Variants in PIK3CB observed in about 807,000 individuals in gnomAD.
PIK3CB encodes the protein phosphatidylinositol 4,5-bisphosphate 3-kinase catalytic subunit beta isoform.
A neutral mutation model predicts 136.8 loss-of-function variants in PIK3CB; 39 were observed. The observed-to-expected ratio is 0.29, with a 90% CI of 0.22 to 0.37. The LOEUF is 0.37. Ranked by LOEUF, PIK3CB falls within the 10% of genes least tolerant of loss-of-function variation. The pLI is 1.00. For missense variants in PIK3CB, 868 were observed against 1,275.4 expected, an observed-to-expected ratio of 0.68 and a Z score of 4.87; for synonymous variants, 428 against 436.6, an observed-to-expected ratio of 0.98 and a Z score of 0.25.
chr3:138,694,176 G>C lies in PIK3CB; in HGVS notation c.1892+610C>G, dbSNP rs544089972. On this transcript the variant is annotated intron_variant, in intron 14 of 23. Transcript: ENST00000674063. ...TCCCACCACCCTCCCTAATTGATAA[G>C]AGTGGCTCACTGCACCTAAACTATT... Among the ~76,000 whole-genome samples, 4 of 151,412 alleles carry C rather than the reference G, an allele frequency of 2.6e-5. No homozygotes were observed. The South Asian group carries it at 8.4e-4, about 32-fold the overall frequency.
At chr3:138,729,292 AAAG>A (rs909569687) in intron 8 of PIK3CB, among the ~76,000 whole-genome samples, 5 of 152,116 alleles carry the variant, frequency 3.3e-5, no homozygotes, top group South Asian at 4.1e-4. Flanking sequence ...AAAAAAAAAA[AAAG>A]AAGGTCTACT....
chr3:138,725,955 T>C (rs1275066746), intron 8 of PIK3CB, among the ~76,000 whole-genome samples: 4 of 152,240 alleles, frequency 2.6e-5, no homozygotes, highest in Non-Finnish European at 5.9e-5. Context: ...TGGGTCTTGT[T>C]TATATCCTAT....
intron 1 of PIK3CB, among the ~76,000 whole-genome samples, chr3:138,807,173 C>T (rs551602490): frequency 6.6e-6 from 1 of 152,294 alleles, no homozygotes; most frequent in African/African-American, 2.4e-5. Context: ...GTGGCTCATG[C>T]CTATAACCCT....
At chr3:138,680,118 G>A (rs1332292468) in intron 19 of PIK3CB, among the ~76,000 whole-genome samples, 1 of 152,062 alleles carries the variant, frequency 6.6e-6, no homozygotes, top group Non-Finnish European at 1.5e-5. Flanking sequence ...CCAGCACTTT[G>A]GGAGCCCAAG....
At chr3:138,762,123 C>A (rs482274) in intron 2 of PIK3CB, among the ~76,000 whole-genome samples, 8,010 of 149,562 alleles carry the variant, frequency 0.054, 728 homozygotes, top group African/African-American at 0.19. Flanking sequence ...GTGGTTCAAG[C>A]CTGTAATCCC....
chr3:138,815,661 A>G (rs1348297141), intron 1 of PIK3CB, among the ~76,000 whole-genome samples: 1 of 152,158 alleles, frequency 6.6e-6, no homozygotes, highest in Non-Finnish European at 1.5e-5. Flanking sequence ...GGGGGTTTAC[A>G]TGTATATATT....
chr3:138,778,053 T>C (rs2045880988), intron 2 of PIK3CB: 2 of 354,590 alleles, frequency 5.6e-6, no homozygotes, highest in South Asian at 4.4e-5. Context: ...ATAACCATTT[T>C]CTAGGAGCAA....
intron 2 of PIK3CB, among the ~76,000 whole-genome samples, chr3:138,785,659 AC>A (rs2045973928): frequency 6.6e-6 from 1 of 152,070 alleles, no homozygotes; most frequent in Non-Finnish European, 1.5e-5. Context: ...AATCTCAAGT[AC>A]CCAGGGACGC....
chr3:138,703,615 T>C (rs770276578), intron 12 of PIK3CB, among the ~76,000 whole-genome samples: 1 of 151,808 alleles, frequency 6.6e-6, no homozygotes, highest in African/African-American at 2.4e-5. Flanking sequence ...TAAATGTAGA[T>C]ATAGATATAG....
rs145473357 is a variant in PIK3CB at position 138,767,834 on chromosome 3, G to A, written c.-16-8475C>T. ...GAAGCTTGGAGATGTCAGGAACCCC[G>A]GGGCCCCAAAGAGGAAGTCACAGTC... On this transcript the variant is annotated intron_variant, in intron 2 of 23. Transcript: ENST00000674063. Among the ~76,000 whole-genome samples the A allele has an allele frequency of 3.2e-3, 485 of 152,298 alleles. 4 individuals are homozygous for A. The highest frequency in any genetic ancestry group is 0.011 in the African/African-American group (456 of 41,564).
chr3:138,699,240 T>C (rs361081), intron 12 of PIK3CB, 145 bp from the exon 13 acceptor site: 171,532 of 288,018 alleles, frequency 0.6, 54,539 homozygotes, highest in East Asian at 0.98. Flanking sequence ...AAAAAAAAGG[T>C]AGATCCTTTA....
intron 1 of PIK3CB, among the ~76,000 whole-genome samples, chr3:138,806,248 G>C (rs1012864443): frequency 6.6e-6 from 1 of 152,114 alleles, no homozygotes; most frequent in Non-Finnish European, 1.5e-5. Flanking sequence ...CACTTTGGGA[G>C]GCCAAGGGAG....
chr3:138,749,119 G>A (rs1268839138), intron 4 of PIK3CB, among the ~76,000 whole-genome samples: 1 of 152,136 alleles, frequency 6.6e-6, no homozygotes. Flanking sequence ...TGTAATTTGG[G>A]TGGAATGGCT....
At chr3:138,762,414 A>AT (rs1178331453) in intron 2 of PIK3CB, among the ~76,000 whole-genome samples, 2 of 152,244 alleles carry the variant, frequency 1.3e-5, no homozygotes, top group Non-Finnish European at 2.9e-5. Flanking sequence ...CATGCTTTTT[A>AT]AAGTACTGTT....
intron 4 of PIK3CB, among the ~76,000 whole-genome samples, chr3:138,744,190 G>A (rs1261547938): frequency 2.6e-5 from 4 of 151,372 alleles, no homozygotes; most frequent in African/African-American, 4.8e-5. Flanking sequence ...TCAGGAGTTC[G>A]AGACCAGCCT....
Position 138,683,670 on chromosome 3 carries a change from G to C in PIK3CB, c.2425+8C>G. Reference sequence around the variant, plus strand: ...AAGAAATTTGATGTTAAAAATCTCAGTACTTACCATCACCATTTTTAAAAA... The same window carrying C: ...AAGAAATTTGATGTTAAAAATCTCACTACTTACCATCACCATTTTTAAAAA... On this transcript the variant is annotated splice_region_variant and intron_variant, in intron 18 of 23. Transcript: ENST00000674063. 3.8e-6 allele frequency: 5 copies of C among 1,332,074 alleles called. No homozygotes were observed. Among genetic ancestry groups the C allele is most frequent in the Non-Finnish European group, 5.4e-6 (5 of 923,922 alleles). 82.5% of individuals were successfully genotyped at this position (1,332,074 alleles called of 1,614,324 possible).
chr3:138,724,047 T>A (rs2044786714), intron 8 of PIK3CB, among the ~76,000 whole-genome samples: 1 of 152,186 alleles, frequency 6.6e-6, no homozygotes, highest in Non-Finnish European at 1.5e-5. Flanking sequence ...CAATTGGGTA[T>A]CCTACAATTC....
In PIK3CB at chr3:138,825,982, G is replaced by A. The variant is rs1057083721; in HGVS notation, c.-122+8713C>T. 3.9e-6 allele frequency: 6 copies of A among 1,553,910 alleles called. No individual in the cohort carries two copies. In the Admixed American group the frequency reaches 5.4e-5, roughly 14 times the overall value. On this transcript the variant is annotated intron_variant, in intron 1 of 23. Coordinates refer to ENST00000674063, the MANE Select transcript of PIK3CB (RefSeq NM_006219.3). ...GCTTCACTGCTCAAGTGATTATCCT[G>A]AACCATTCAGGCCAAATCAGTGCTG...
chr3:138,800,531 G>C (rs1177978553), intron 1 of PIK3CB, among the ~76,000 whole-genome samples: 1 of 149,906 alleles, frequency 6.7e-6, no homozygotes, highest in Non-Finnish European at 1.5e-5. Context: ...GGTCCAGGCT[G>C]GTCTCAAACT....
Sources: allele counts gnomAD v4.1 joint callset (sites outside exome capture counted in the v4.1 genomes callset), GRCh38; gene constraint gnomAD v4.1.1; transcripts MANE v1.5; gene names NCBI Gene and HGNC (gene_info 2026-07-23, HGNC 2026-07-21).